ZNF724: variants seen among roughly 807,000 people sequenced by gnomAD.
ZNF724 encodes zinc finger protein 724 pseudogene.
In ZNF724, 14 loss-of-function variants were observed where a neutral mutation model predicts 29.3. The observed-to-expected ratio is 0.48, with a 90% CI of 0.32 to 0.75. ZNF724 has a LOEUF of 0.75. Ranked by LOEUF, ZNF724 falls within the 30% of genes least tolerant of loss-of-function variation. The probability of loss-of-function intolerance (pLI) is 0.04; values close to 1 mark genes in which losing one functional copy is unlikely to be tolerated. For synonymous variants in ZNF724, 180 were observed against 193.6 expected (o/e 0.93, Z 0.58); for missense variants, 557 against 571.2 (o/e 0.98, Z 0.25).
At chr19:23,225,119 A>G (rs77853130) in intron 3 of ZNF724, among the ~76,000 whole-genome samples, 2,077 of 152,362 alleles carry the variant, frequency 0.014, 60 homozygotes, top group African/African-American at 0.047. Flanking sequence ...AATTATAATT[A>G]AATACAGCAA....
intron 3 of ZNF724, among the ~76,000 whole-genome samples, chr19:23,229,412 T>C (rs1234836691): frequency 6.6e-6 from 1 of 152,158 alleles, no homozygotes; most frequent in Non-Finnish European, 1.5e-5. Context: ...AGCAGTTCCA[T>C]GACTCAGTTC....
chr19:23,231,075 G>A (rs1226599427), intron 3 of ZNF724, 191 bp downstream of exon 3: 1 of 353,206 alleles, frequency 2.8e-6, no homozygotes, highest in Non-Finnish European at 5.1e-6. Flanking sequence ...TAAAGACGGG[G>A]TTTCTCCATG....
intron 1 of ZNF724, among the ~76,000 whole-genome samples, chr19:23,249,202 C>T (rs1389207029): frequency 1.3e-5 from 2 of 150,778 alleles, no homozygotes; most frequent in African/African-American, 2.4e-5. Flanking sequence ...TTTTGAACCA[C>T]TCTTTGATTA....
Position 23,249,010 on chromosome 19 carries a change from C to A in ZNF724, c.3+1230G>T, listed in dbSNP as rs369166060. 3.7e-3 allele frequency among the ~76,000 whole-genome samples: 433 copies of A among 117,138 alleles called. 3 individuals carry two copies. The highest frequency in any genetic ancestry group is 0.018 in the Middle Eastern group (4 of 222). 76.8% of individuals were successfully genotyped at this position (117,138 alleles called of 152,430 possible). A position where few individuals can be genotyped will look rare whatever the true frequency, so the allele number is the denominator to read the frequency against. On this transcript the variant is annotated intron_variant, in intron 1 of 3. Coordinates refer to ENST00000418100, the MANE Select transcript of ZNF724 (RefSeq NM_001355404.2). ...CAAAAAAACAAAACAAACAAACAAA[C>A]AAAAAAAACTAAGAAGAAGAAAAGA...
At chr19:23,243,109 A>T (rs1388583803) in intron 1 of ZNF724, among the ~76,000 whole-genome samples, 1 of 152,070 alleles carries the variant, frequency 6.6e-6, no homozygotes. Flanking sequence ...GGAATACTGT[A>T]TGACCATAAA....
intron 1 of ZNF724, among the ~76,000 whole-genome samples, chr19:23,243,943 T>C (rs1221490989): frequency 5.2e-5 from 4 of 77,414 alleles, no homozygotes; most frequent in Non-Finnish European, 1.0e-4. Flanking sequence ...AAAAATTAAA[T>C]TAAATAAATA....
chr19:23,237,409 A>G (rs978722310), intron 1 of ZNF724, among the ~76,000 whole-genome samples: 2 of 152,032 alleles, frequency 1.3e-5, no homozygotes, highest in Non-Finnish European at 2.9e-5. Context: ...TTTGTAGTGA[A>G]TTTTTTTGGA....
chr19:23,249,207 T>C (rs997874697), intron 1 of ZNF724, among the ~76,000 whole-genome samples: 3 of 151,428 alleles, frequency 2.0e-5, no homozygotes, highest in African/African-American at 7.3e-5. Flanking sequence ...AACCACTCTT[T>C]GATTAAATTA....
intron 1 of ZNF724, chr19:23,236,437 C>T (rs1972022496): frequency 6.6e-6 from 1 of 152,490 alleles, no homozygotes; most frequent in Non-Finnish European, 1.5e-5. Context: ...AGCATCAGTC[C>T]GCATAGAGAT....
At position 23,231,376 on chromosome 19, in the gene ZNF724, A is replaced by G. The variant is rs752757146; in HGVS notation, c.131-15T>C. ...GACAGCAATACCTGTTTTATTAAAAATAAATAACATGAATGTTGCTCATAT... is the reference window on the plus strand; with the variant it reads ...GACAGCAATACCTGTTTTATTAAAAGTAAATAACATGAATGTTGCTCATAT... On this transcript the variant is annotated splice_polypyrimidine_tract_variant and intron_variant, in intron 2 of 3. Transcript: ENST00000418100. 1.5e-6 allele frequency: 2 copies of G among 1,323,252 alleles called. No homozygotes were observed. The highest frequency in any genetic ancestry group is 2.2e-6 in the Non-Finnish European group (2 of 926,610). 82.0% of individuals were successfully genotyped at this position (1,323,252 alleles called of 1,614,324 possible).
In ZNF724 at chr19:23,229,347, ATT is replaced by A. The variant is rs1436835552; in HGVS notation, c.226+1917_226+1918del. Among the ~76,000 whole-genome samples the A allele has an allele frequency of 3.9e-5, 6 of 152,298 alleles. No homozygotes were observed. In the South Asian group the frequency reaches 1.0e-3, roughly 26 times the overall value. Reference sequence around the variant, plus strand: ...TCCAGAGGCCTGGAGGAAGACACCCATTTATAGCCATGCAGGCAGGTTTGCAA... The same window carrying A: ...TCCAGAGGCCTGGAGGAAGACACCCATATAGCCATGCAGGCAGGTTTGCAA... On this transcript the variant is annotated intron_variant, in intron 3 of 3. Transcript: ENST00000418100.
rs1170809697 is a variant in ZNF724, at chr19:23,224,006, T to C, written c.239A>G (p.Tyr80Cys). The C allele has an allele frequency of 1.5e-6, 1 of 656,598 alleles. No homozygotes were observed. The highest frequency in any genetic ancestry group is 2.7e-6 in the Non-Finnish European group (1 of 366,288). The allele number at this position is 656,598 out of a possible 1,614,324, so 40.7% of individuals were successfully genotyped here. ...CTCTGGCCGAAGGTCTTGGGCAAAA[T>C]AACAACACATACCTGAAAGAAATAA... is the stretch of plus-strand genomic sequence containing the variant. ...MVAKPPGMCC[Y>C]FAQDLRPEQS... is the part of the protein sequence containing the mutation. The change falls in exon 4 of 4, where the codon TAT becomes TGT. Residue 80 changes from tyrosine (Y) to cysteine (C), a missense_variant. By Grantham distance (194) the Tyr-to-Cys change is radical. This residue lies in a region of ZNF724 where 362 missense variants were observed against 295.5 expected (regional missense o/e 1.22). Transcript: ENST00000418100.
Sources: allele counts gnomAD v4.1 joint callset (sites outside exome capture counted in the v4.1 genomes callset), GRCh38; gene constraint gnomAD v4.1.1; regional missense constraint gnomAD v4.1.1; transcripts MANE v1.5; gene names NCBI Gene and HGNC (gene_info 2026-07-23, HGNC 2026-07-21).